The following SAMD4A variants were observed in gnomAD, a reference collection of about 807,000 sequenced individuals.
SAMD4A encodes the protein sterile alpha motif domain containing 4A, also known as protein Smaug homolog 1.
SAMD4A carries 33 observed loss-of-function variants against 81.3 expected under a neutral mutation model. The ratio of observed to expected loss-of-function variants is 0.41; its 90% CI spans 0.31 to 0.54. The LOEUF is 0.54. Among genes scored for constraint, SAMD4A ranks in the 20% least tolerant of loss-of-function variants. The probability of loss-of-function intolerance (pLI) is 0.37; values close to 1 mark genes in which losing one functional copy is unlikely to be tolerated. For missense variants in SAMD4A, 854 were observed against 951.1 expected (o/e 0.90, Z 1.34); for synonymous variants, 389 against 382.1 (o/e 1.02, Z -0.21).
rs1264468459 is a variant in SAMD4A, at chr14:54,775,128, G to T, written c.1910G>T (p.Gly637Val). Residue 637 changes from glycine (G) to valine (V), a missense_variant, in exon 10 of 13, where the codon GGA (glycine) becomes GTA (valine). Gly to Val is a moderately radical substitution (Grantham distance 109). This residue lies in a region of SAMD4A where 428 missense variants were observed against 471.2 expected (regional missense o/e 0.91). Transcript: ENST00000554335. Reference protein sequence around the residue: ...TTATPTIMKQGRQNLWFANPG... With the variant: ...TTATPTIMKQVRQNLWFANPG... ...GCTACCCCCACCATCATGAAACAAG[G>T]AAGACAGGTTTGTTCTGCCCCAAGG... The T allele has an allele frequency of 1.2e-6, 2 of 1,614,194 alleles. No homozygotes were observed. Among genetic ancestry groups the T allele is most frequent in the Non-Finnish European group, 1.7e-6 (2 of 1,180,036 alleles).
chr14:54,739,524 A>G (rs1352640342), intron 4 of SAMD4A, among the ~76,000 whole-genome samples: 1 of 152,174 alleles, frequency 6.6e-6, no homozygotes, highest in Admixed American at 6.5e-5. Flanking sequence ...ATGGCAAAAA[A>G]AAAAAAAAAA....
chr14:54,691,920 C>T (rs1238193440), intron 2 of SAMD4A, among the ~76,000 whole-genome samples: 2 of 152,230 alleles, frequency 1.3e-5, no homozygotes, highest in Admixed American at 1.3e-4. Flanking sequence ...TTCTGTCCCC[C>T]ATTGGATGAC....
chr14:54,788,356 C>T (rs1390487662), intron 12 of SAMD4A, among the ~76,000 whole-genome samples: 1 of 152,084 alleles, frequency 6.6e-6, no homozygotes, highest in Non-Finnish European at 1.5e-5. Flanking sequence ...CTGCCTGGCT[C>T]TTCCACCCCA....
intron 3 of SAMD4A, among the ~76,000 whole-genome samples, chr14:54,716,291 G>T (rs1980664): frequency 0.98 from 149,175 of 152,252 alleles, 73,158 homozygotes; most frequent in East Asian, 1. Flanking sequence ...TCAGCTCCAG[G>T]TTCTTGAGAG....
chr14:54,716,550 C>T (rs2037122158), intron 3 of SAMD4A, among the ~76,000 whole-genome samples: 1 of 152,062 alleles, frequency 6.6e-6, no homozygotes, highest in Non-Finnish European at 1.5e-5. Flanking sequence ...ATTATTTTCC[C>T]ATTGAGTAAA....
rs1037562752 is a variant in SAMD4A at position 54,666,493 on chromosome 14, A to G, written c.197-35569A>G. Among the ~76,000 whole-genome samples, 16 of 152,254 alleles carry G rather than the reference A, an allele frequency of 1.1e-4. 1 individual carries two copies. The highest frequency in any genetic ancestry group is 3.6e-4 in the African/African-American group (15 of 41,532). On this transcript the variant is annotated intron_variant, in intron 2 of 12. Transcript: ENST00000554335. ...TATGTGTGGATTTCATGTCCTGCAAACACGGTATTTTCAATCTGTGTTTGG... is the reference window on the plus strand; with the variant it reads ...TATGTGTGGATTTCATGTCCTGCAAGCACGGTATTTTCAATCTGTGTTTGG...
intron 3 of SAMD4A, among the ~76,000 whole-genome samples, chr14:54,720,930 C>T (rs2037246183): frequency 6.6e-6 from 1 of 152,146 alleles, no homozygotes; most frequent in Admixed American, 6.6e-5. Flanking sequence ...TCTTCTGAGC[C>T]AGTTCCCTCA....
intron 4 of SAMD4A, among the ~76,000 whole-genome samples, chr14:54,738,540 A>G (rs531264450): frequency 1.1e-4 from 16 of 152,198 alleles, no homozygotes; most frequent in Middle Eastern, 3.2e-3. Context: ...CTTTAAAGGT[A>G]TATAACAGGC....
At chr14:54,619,280 C>G (rs2034560412) in intron 2 of SAMD4A, among the ~76,000 whole-genome samples, 1 of 152,158 alleles carries the variant, frequency 6.6e-6, no homozygotes, top group South Asian at 2.1e-4. Flanking sequence ...TTCATCCTAT[C>G]CAAAATTCTA....
intron 2 of SAMD4A, among the ~76,000 whole-genome samples, chr14:54,659,068 G>A (rs1029509527): frequency 1.3e-5 from 2 of 152,210 alleles, no homozygotes; most frequent in Non-Finnish European, 2.9e-5. Context: ...AGGCAAGGAA[G>A]GAAATAGACA....
Position 54,789,297 on chromosome 14 carries a change from C to T in SAMD4A, c.*353C>T, listed in dbSNP as rs2039218758. The T allele has an allele frequency of 3.1e-6, 1 of 321,444 alleles. No individual in the cohort carries two copies. Among genetic ancestry groups the T allele is most frequent in the African/African-American group, 2.1e-5 (1 of 46,730 alleles). 19.9% of individuals were successfully genotyped at this position (321,444 alleles called of 1,614,324 possible). A position where few individuals can be genotyped will look rare whatever the true frequency, so the allele number is the denominator to read the frequency against. ...ACTGCCATGAAAGAGATAGGAGACACATAAGAGGACAGCAGAAGCCCTGGC... is the reference window on the plus strand; with the variant it reads ...ACTGCCATGAAAGAGATAGGAGACATATAAGAGGACAGCAGAAGCCCTGGC... On this transcript the variant is annotated 3_prime_UTR_variant, in exon 13 of 13. Transcript: ENST00000554335.
chr14:54,724,645 G>T (rs1480732047), intron 3 of SAMD4A, among the ~76,000 whole-genome samples: 1 of 152,128 alleles, frequency 6.6e-6, no homozygotes, highest in African/African-American at 2.4e-5. Context: ...CTCAGGGCAG[G>T]TAAGGAGGAA....
At chr14:54,616,409 C>G (rs1479148053) in intron 2 of SAMD4A, among the ~76,000 whole-genome samples, 1 of 152,086 alleles carries the variant, frequency 6.6e-6, no homozygotes, top group African/African-American at 2.4e-5. Context: ...TCTTATTTGC[C>G]TTTTTCATTG....
intron 2 of SAMD4A, among the ~76,000 whole-genome samples, chr14:54,568,695 A>G (rs1467850455): frequency 0.019 from 17 of 872 alleles, no homozygotes; most frequent in Non-Finnish European, 0.036. Context: ...TGCAGCATAT[A>G]TATATATATA....
At chr14:54,755,172 G>A (rs1342644080) in intron 6 of SAMD4A, among the ~76,000 whole-genome samples, 1 of 152,194 alleles carries the variant, frequency 6.6e-6, no homozygotes, top group African/African-American at 2.4e-5. Context: ...GAGGAGGATA[G>A]AGATCATTTA....
intron 2 of SAMD4A, chr14:54,694,580 A>C: frequency 1.2e-5 from 12 of 978,896 alleles, no homozygotes; most frequent in Non-Finnish European, 1.2e-5. Flanking sequence ...CTCAGGGGAG[A>C]AACCTGGGCT....
At chr14:54,607,452 G>A (rs1475521319) in intron 2 of SAMD4A, among the ~76,000 whole-genome samples, 2 of 148,472 alleles carry the variant, frequency 1.3e-5, no homozygotes, top group Non-Finnish European at 3.0e-5. Context: ...GGAGTTCAAG[G>A]TCTCATTTTT....
chr14:54,770,086 T>C lies in SAMD4A; in HGVS notation c.1597-18T>C. 2 of 1,529,538 alleles carry C rather than the reference T, an allele frequency of 1.3e-6. No homozygotes were observed. Among genetic ancestry groups the C allele is most frequent in the South Asian group, 1.1e-5 (1 of 89,108 alleles). The allele number at this position is 1,529,538 out of a possible 1,614,324, so 94.7% of individuals were successfully genotyped here. ...CCAGGCTGCGTCACCCATTTAAAAG[T>C]CCTGTTTGTTTTTGCAGGCATTTAC... On this transcript the variant is annotated intron_variant, in intron 8 of 12. Transcript: ENST00000554335.
chr14:54,748,699 C>CTTTTTTTTTTTTTTTTTTTTTTTTTTT, intron 4 of SAMD4A, 116 bp from the exon 5 acceptor site: 1 of 683,424 alleles, frequency 1.5e-6, no homozygotes. Flanking sequence ...GTTACTTTTT[C>CTTTTTTTTTTTTTTTTTTTTTTTTTTT]TTTTTTTTTC....
Sources: allele counts gnomAD v4.1 joint callset (sites outside exome capture counted in the v4.1 genomes callset), GRCh38; gene constraint gnomAD v4.1.1; regional missense constraint gnomAD v4.1.1; transcripts MANE v1.5; gene names NCBI Gene and HGNC (gene_info 2026-07-23, HGNC 2026-07-21).